The following IGSF23 variants were observed in gnomAD, a reference collection of about 807,000 sequenced individuals.
IGSF23 encodes the protein immunoglobulin superfamily member 23, also known as immunoglobulin superfamily, member 23.
In IGSF23, 14 loss-of-function variants were observed where a neutral mutation model predicts 17.8. The ratio of observed to expected loss-of-function variants is 0.79; its 90% confidence interval spans 0.52 to 1.23. The LOEUF (loss-of-function observed/expected upper bound fraction) is 1.23, where lower values mean the gene tolerates loss of function less well. Among genes scored for constraint, IGSF23 ranks in the 50% most tolerant of loss-of-function variants. IGSF23 has a pLI of 0.00. For synonymous variants in IGSF23, 85 were observed against 92.5 expected (o/e 0.92, Z 0.46); for missense variants, 214 against 241.7 (o/e 0.89, Z 0.76).
At chr19:44,624,897 AC>A (rs1420553615) in intron 2 of IGSF23, among the ~76,000 whole-genome samples, 2 of 104,126 alleles carry the variant, frequency 1.9e-5, no homozygotes, top group Admixed American at 9.8e-5. Context: ...CCCTGTCTCT[AC>A]CAAAAAAAAA....
chr19:44,618,157 C>T, intron 1 of IGSF23: 1 of 471,120 alleles, frequency 2.1e-6, no homozygotes, highest in South Asian at 1.5e-5. Flanking sequence ...ACCGAAGGAG[C>T]CAGTGTCCAT....
At chr19:44,620,182 T>G (rs1324740362) in intron 1 of IGSF23, among the ~76,000 whole-genome samples, 1 of 151,694 alleles carries the variant, frequency 6.6e-6, no homozygotes, top group African/African-American at 2.4e-5. Flanking sequence ...GGAAGTAGAA[T>G]CGCTTGAACC....
Position 44,618,012 on chromosome 19 carries a change from G to A in IGSF23, c.125+4242G>A, listed in dbSNP as rs994909957. The A allele has an allele frequency of 1.9e-5, 9 of 463,482 alleles. No homozygotes were observed. The East Asian group carries it at 3.5e-4, about 18-fold the overall frequency. 28.7% of individuals were successfully genotyped at this position (463,482 alleles called of 1,614,324 possible). A position where few individuals can be genotyped will look rare whatever the true frequency, so the allele number is the denominator to read the frequency against. On this transcript the variant is annotated intron_variant, in intron 1 of 4. Coordinates refer to ENST00000402988, the MANE Select transcript of IGSF23 (RefSeq NM_001205280.2). Reference sequence around the variant, plus strand: ...TTTTGCAACATCCAGTATAATATACGTGCGTGCTTCAAGGGGTCAAGGAGA... The same window carrying A: ...TTTTGCAACATCCAGTATAATATACATGCGTGCTTCAAGGGGTCAAGGAGA...
In IGSF23 at chr19:44,623,813, G is replaced by A. The variant is rs989723348; in HGVS notation, c.232G>A (p.Glu78Lys). ...ILQWVVTMDP[E>K]PVLSWTFSGV... ...GCAGTGGGTGGTGACAATGGACCCT[G>A]AGCCTGTGCTGAGCTGGACCTTCAG... The change falls in exon 2 of 5, where the codon GAG becomes AAG. Residue 78 changes from glutamate to lysine, a missense_variant. Transcript: ENST00000402988. 1.3e-6 allele frequency: 2 copies of A among 1,550,842 alleles called. No individual in the cohort carries two copies. Among genetic ancestry groups the A allele is most frequent in the African/African-American group, 1.4e-5 (1 of 73,048 alleles).
intron 3 of IGSF23, among the ~76,000 whole-genome samples, chr19:44,630,499 G>C (rs1254786912): frequency 6.6e-6 from 1 of 152,230 alleles, no homozygotes; most frequent in East Asian, 1.9e-4. Flanking sequence ...GAGGGGAAAG[G>C]TGAGGAGTCA....
intron 3 of IGSF23, among the ~76,000 whole-genome samples, chr19:44,632,936 C>T (rs1286680281): frequency 2.0e-5 from 3 of 152,138 alleles, no homozygotes; most frequent in African/African-American, 7.2e-5. Flanking sequence ...GAATGAACCA[C>T]GTATGAAGAA....
intron 3 of IGSF23, among the ~76,000 whole-genome samples, chr19:44,628,841 T>C (rs1972709597): frequency 6.6e-6 from 1 of 151,868 alleles, no homozygotes; most frequent in South Asian, 2.1e-4. Context: ...AGGACAAAGA[T>C]TGTGGAGTGG....
intron 1 of IGSF23, among the ~76,000 whole-genome samples, chr19:44,622,050 CATCTCCACTAAA>C (rs1972533611): frequency 1.3e-5 from 2 of 152,068 alleles, no homozygotes; most frequent in African/African-American, 4.8e-5. Context: ...GGTGAAACCC[CATCTCCACTAAA>C]AATACTAAAA....
At chr19:44,628,206 G>C (rs1972698180) in intron 3 of IGSF23, among the ~76,000 whole-genome samples, 1 of 152,110 alleles carries the variant, frequency 6.6e-6, no homozygotes, top group Non-Finnish European at 1.5e-5. Flanking sequence ...GCTTCCCAAA[G>C]TTTTGGGATT....
Position 44,621,297 on chromosome 19 carries a change from A to C in IGSF23, c.126-2410A>C, listed in dbSNP as rs926721714. ...GACCCTGTCTCAAAAAAAAAAAAAA[A>C]AAAATAGCCCTGTTTGTTTCAAAGG... On this transcript the variant is annotated intron_variant, in intron 1 of 4. Transcript: ENST00000402988. Among the ~76,000 whole-genome samples, 3 of 151,112 alleles carry C rather than the reference A, an allele frequency of 2.0e-5. No individual in the cohort carries two copies. In the East Asian group the frequency reaches 5.9e-4, roughly 30 times the overall value.
At chr19:44,631,842 T>G (rs1972773630) in intron 3 of IGSF23, among the ~76,000 whole-genome samples, 1 of 152,228 alleles carries the variant, frequency 6.6e-6, no homozygotes, top group South Asian at 2.1e-4. Flanking sequence ...CCGCCCTGGG[T>G]GGGCAAGGTG....
intron 1 of IGSF23, among the ~76,000 whole-genome samples, chr19:44,618,502 A>G (rs533656368): frequency 6.6e-6 from 1 of 152,354 alleles, no homozygotes; most frequent in African/African-American, 2.4e-5. Flanking sequence ...GACACTTTGC[A>G]TGCTGGTTAT....
At chr19:44,632,337 G>A (rs918889254) in intron 3 of IGSF23, 1 of 172,488 alleles carries the variant, frequency 5.8e-6, no homozygotes, top group African/African-American at 2.4e-5. Flanking sequence ...TCACGGCAAT[G>A]GTGATTACCA....
chr19:44,627,341 G>C, intron 2 of IGSF23, 79 bp from the exon 3 acceptor site: 1 of 1,358,148 alleles, frequency 7.4e-7, no homozygotes, highest in East Asian at 2.6e-5. Flanking sequence ...ACACTTGGGA[G>C]GGGGAATGGC....
rs1972299090 is a variant in IGSF23 at position 44,613,605 on chromosome 19, C to T, written c.-41C>T. The T allele has an allele frequency of 2.0e-6, 3 of 1,510,450 alleles. No individual in the cohort carries two copies. Among genetic ancestry groups the T allele is most frequent in the Non-Finnish European group, 2.7e-6 (3 of 1,121,958 alleles). 93.6% of individuals were successfully genotyped at this position (1,510,450 alleles called of 1,614,324 possible). A position where few individuals can be genotyped will look rare whatever the true frequency, so the allele number is the denominator to read the frequency against. ...TGAGTGATAGGAGCGGGCGATTCTG[C>T]TTCTCCCTCCATCTCCCGGCGGGGA... On this transcript the variant is annotated 5_prime_UTR_variant, in exon 1 of 5. Coordinates refer to ENST00000402988, the MANE Select transcript of IGSF23 (RefSeq NM_001205280.2).
intron 3 of IGSF23, among the ~76,000 whole-genome samples, chr19:44,631,781 C>T (rs1466019305): frequency 6.6e-6 from 1 of 152,224 alleles, no homozygotes; most frequent in East Asian, 1.9e-4. Flanking sequence ...CCTTAAGGCA[C>T]AGATCACTCA....
intron 3 of IGSF23, 24 bp from the exon 4 acceptor site, chr19:44,635,377 T>TCTC: frequency 1.2e-6 from 1 of 842,570 alleles, no homozygotes; most frequent in Non-Finnish European, 1.6e-6. Flanking sequence ...TCTCTCTCTG[T>TCTC]CTCTCTCTCT....
chr19:44,623,116 C>T (rs1249441587), intron 1 of IGSF23, among the ~76,000 whole-genome samples: 4 of 152,200 alleles, frequency 2.6e-5, no homozygotes, highest in Non-Finnish European at 5.9e-5. Context: ...CCCCCGAGTC[C>T]TAGAGCCTTA....
chr19:44,635,815 A>C (rs1447287481), intron 4 of IGSF23, among the ~76,000 whole-genome samples: 1 of 152,244 alleles, frequency 6.6e-6, no homozygotes, highest in African/African-American at 2.4e-5. Context: ...CATAGGTGTG[A>C]GTCAGCATTT....
Sources: gnomAD v4.1 joint callset for allele counts (sites outside exome capture counted in the v4.1 genomes callset) on GRCh38, gnomAD v4.1.1 for gene constraint, MANE v1.5 for transcripts, NCBI Gene and HGNC (gene_info 2026-07-23, HGNC 2026-07-21) for gene names.